DCC: variants seen among roughly 807,000 people sequenced by gnomAD.
DCC encodes the protein DCC netrin 1 receptor, also known as netrin receptor DCC.
In DCC, 58 loss-of-function variants were observed where a neutral mutation model predicts 172.5. That is an observed-to-expected ratio of 0.34 (90% CI 0.27 to 0.42). DCC has a LOEUF of 0.42. Among genes scored for constraint, DCC ranks in the 10% least tolerant of loss-of-function variants. The probability of loss-of-function intolerance (pLI) is 1.00; values close to 1 mark genes in which losing one functional copy is unlikely to be tolerated. For synonymous variants in DCC, 709 were observed against 644.5 expected, an observed-to-expected ratio of 1.10 and a Z score of -1.52; for missense variants, 1,740 against 1,791.0, an observed-to-expected ratio of 0.97 and a Z score of 0.51.
At chr18:52,366,585 C>G (rs1233177119) in intron 1 of DCC, among the ~76,000 whole-genome samples, 4 of 151,766 alleles carry the variant, frequency 2.6e-5, no homozygotes, top group African/African-American at 7.3e-5. Context: ...ACCAGAGCAG[C>G]TAGATACAGA....
At chr18:52,578,980 G>C (rs535561390) in intron 1 of DCC, among the ~76,000 whole-genome samples, 1 of 152,100 alleles carries the variant, frequency 6.6e-6, no homozygotes, top group South Asian at 2.1e-4. Context: ...ACTCCGTCTG[G>C]AAAAACAAAA....
chr18:53,073,473 C>T (rs1164396496), intron 7 of DCC, among the ~76,000 whole-genome samples: 1 of 152,046 alleles, frequency 6.6e-6, no homozygotes. Context: ...TTGCAGTGAG[C>T]CGAGATAGCA....
chr18:52,502,787 C>T (rs1373801641), intron 1 of DCC, among the ~76,000 whole-genome samples: 4 of 152,116 alleles, frequency 2.6e-5, no homozygotes, highest in Admixed American at 6.5e-5. Flanking sequence ...AGCCCCGAGG[C>T]GGGAGTTCAT....
chr18:52,382,247 C>T (rs545547465), intron 1 of DCC, among the ~76,000 whole-genome samples: 13 of 152,168 alleles, frequency 8.5e-5, no homozygotes, highest in South Asian at 8.3e-4. Flanking sequence ...CAATAATTTA[C>T]GTGCTATAAT....
chr18:53,284,752 T>A (rs1377004596), intron 12 of DCC, among the ~76,000 whole-genome samples: 1 of 151,888 alleles, frequency 6.6e-6, no homozygotes, highest in Non-Finnish European at 1.5e-5. Flanking sequence ...GACAGGAAAA[T>A]GCGGGAAAAT....
In DCC at chr18:52,424,180, T is replaced by A. The variant is rs191641458; in HGVS notation, c.91+83302T>A. 3.0e-3 allele frequency among the ~76,000 whole-genome samples: 456 copies of A among 152,284 alleles called. 1 individual carries two copies. The highest frequency in any genetic ancestry group is 4.1e-3 in the Admixed American group (62 of 15,292). On this transcript the variant is annotated intron_variant, in intron 1 of 28. Transcript: ENST00000442544. ...AACAAATTTGCTTTAAAACTGAATA[T>A]TATATTAAAACCTACCATGTATTAG...
At chr18:52,341,197 G>C (rs1411364778) in intron 1 of DCC, among the ~76,000 whole-genome samples, 1 of 152,184 alleles carries the variant, frequency 6.6e-6, no homozygotes, top group Non-Finnish European at 1.5e-5. Flanking sequence ...ATCGTTGAAA[G>C]GAACTGGGCT....
intron 1 of DCC, among the ~76,000 whole-genome samples, chr18:52,506,496 T>C (rs2031235718): frequency 6.6e-6 from 1 of 152,078 alleles, no homozygotes; most frequent in African/African-American, 2.4e-5. Flanking sequence ...TGTTATGATA[T>C]TGTCTTTGTA....
At chr18:53,127,495 T>C (rs2043581315) in intron 7 of DCC, among the ~76,000 whole-genome samples, 1 of 152,118 alleles carries the variant, frequency 6.6e-6, no homozygotes. Context: ...TCAATGGTTT[T>C]AAATTTTGCA....
At chr18:53,107,522 AAAAAAAAAAAAAAGGAAGG>A (rs2043267431) in intron 7 of DCC, among the ~76,000 whole-genome samples, 1 of 91,768 alleles carries the variant, frequency 1.1e-5, no homozygotes, top group African/African-American at 6.8e-5. Flanking sequence ...ACTTTGATCC[AAAAAAAAAAAAAAGGAAGG>A]AAAAAAAAAA....
intron 12 of DCC, among the ~76,000 whole-genome samples, chr18:53,284,254 C>G (rs573568391): frequency 6.6e-6 from 1 of 152,050 alleles, no homozygotes. Context: ...TGTATTTGTT[C>G]TTTTAAATAA....
intron 3 of DCC, among the ~76,000 whole-genome samples, chr18:52,916,297 A>G (rs1234540132): frequency 6.6e-6 from 1 of 151,886 alleles, no homozygotes; most frequent in East Asian, 1.9e-4. Flanking sequence ...GATACTTGTT[A>G]CACATTTCTC....
Position 53,260,820 on chromosome 18 carries a change from G to T in DCC, c.1912-44758G>T, listed in dbSNP as rs191551966. Reference sequence around the variant, plus strand: ...TCAGAGGTGGAGTCTACAGAGGCAGGCAGGCCTCCTTGAACTGTGGTGGGC... The same window carrying T: ...TCAGAGGTGGAGTCTACAGAGGCAGTCAGGCCTCCTTGAACTGTGGTGGGC... On this transcript the variant is annotated intron_variant, in intron 12 of 28. Coordinates refer to ENST00000442544, the MANE Select transcript of DCC (RefSeq NM_005215.4). 6.6e-5 allele frequency among the ~76,000 whole-genome samples: 10 copies of T among 152,258 alleles called. No homozygotes were observed. The East Asian group carries it at 1.4e-3, about 21-fold the overall frequency.
chr18:53,361,539 G>T (rs1057391265), intron 15 of DCC, among the ~76,000 whole-genome samples: 1 of 152,152 alleles, frequency 6.6e-6, no homozygotes, highest in African/African-American at 2.4e-5. Flanking sequence ...GAAGTTGGAT[G>T]AATAAGATGG....
At chr18:53,063,263 A>T (rs560921507) in intron 5 of DCC, 42 bp from the exon 6 acceptor site, 142 of 1,606,016 alleles carry the variant, frequency 8.8e-5, no homozygotes, top group Non-Finnish European at 1.2e-4. Context: ...GCAAGTTCAC[A>T]TCCCCACCCA....
At chr18:52,486,353 A>G (rs1034040121) in intron 1 of DCC, among the ~76,000 whole-genome samples, 1 of 152,084 alleles carries the variant, frequency 6.6e-6, no homozygotes, top group Non-Finnish European at 1.5e-5. Flanking sequence ...CTGACCAGCC[A>G]TTTGAGTAGT....
At chr18:53,190,765 TG>T (rs2055354790) in intron 9 of DCC, among the ~76,000 whole-genome samples, 1 of 151,984 alleles carries the variant, frequency 6.6e-6, no homozygotes, top group African/African-American at 2.4e-5. Flanking sequence ...GCTAACACGG[TG>T]AAACCCCTTC....
At chr18:52,981,654 G>C (rs149123307) in intron 5 of DCC, among the ~76,000 whole-genome samples, 2 of 152,182 alleles carry the variant, frequency 1.3e-5, no homozygotes, top group African/African-American at 4.8e-5. Flanking sequence ...TACAATTAAT[G>C]TTCTACGCAA....
At chr18:52,934,138 A>T (rs910980196) in intron 5 of DCC, among the ~76,000 whole-genome samples, 19 of 152,274 alleles carry the variant, frequency 1.2e-4, no homozygotes, top group Non-Finnish European at 1.0e-4. Flanking sequence ...TAAAATGTAC[A>T]TAACAGCAAC....
Sources: allele counts gnomAD v4.1 joint callset (sites outside exome capture counted in the v4.1 genomes callset), GRCh38; gene constraint gnomAD v4.1.1; transcripts MANE v1.5; gene names NCBI Gene and HGNC (gene_info 2026-07-23, HGNC 2026-07-21).